The following TNRC6C variants were observed in gnomAD, a reference collection of about 807,000 sequenced individuals.
TNRC6C encodes the protein trinucleotide repeat-containing gene 6C protein.
Under a neutral mutation model 153.7 loss-of-function variants are expected in TNRC6C, and 20 were observed. The observed-to-expected ratio is 0.13, with a 90% CI of 0.09 to 0.19. TNRC6C has a LOEUF of 0.19. TNRC6C is among the 10% of genes least tolerant of loss of function. The pLI is 1.00. For synonymous variants in TNRC6C, 811 were observed against 841.4 expected (o/e 0.96, Z 0.63); for missense variants, 1,987 against 2,172.0 (o/e 0.91, Z 1.69).
chr17:77,965,229 A>G (rs1385602776), intron 1 of TNRC6C, among the ~76,000 whole-genome samples: 1 of 152,220 alleles, frequency 6.6e-6, no homozygotes, highest in Non-Finnish European at 1.5e-5. Context: ...ATACACTTCA[A>G]AGCCCTCACA....
intron 1 of TNRC6C, among the ~76,000 whole-genome samples, chr17:77,962,449 C>T (rs1049094365): frequency 1.2e-4 from 18 of 152,274 alleles, no homozygotes; most frequent in African/African-American, 4.1e-4. Context: ...AAGTAAAACA[C>T]ATGGGACAAT....
chr17:78,038,151 AAAAG>A (rs1216395922), intron 2 of TNRC6C, among the ~76,000 whole-genome samples: 1 of 152,240 alleles, frequency 6.6e-6, no homozygotes, highest in Non-Finnish European at 1.5e-5. Context: ...ATAAGCCATG[AAAAG>A]AAAGACTGAC....
intron 1 of TNRC6C, among the ~76,000 whole-genome samples, chr17:78,019,624 A>C (rs1047919410): frequency 6.6e-6 from 1 of 152,222 alleles, no homozygotes; most frequent in Non-Finnish European, 1.5e-5. Context: ...GAGTAACCAA[A>C]ATTTCCATCT....
intron 3 of TNRC6C, among the ~76,000 whole-genome samples, chr17:78,057,267 C>T (rs1489479426): frequency 6.6e-6 from 1 of 152,200 alleles, no homozygotes; most frequent in East Asian, 1.9e-4. Flanking sequence ...CCTGTATTAC[C>T]TGTGATGTTT....
rs185409646 is a variant in TNRC6C at position 77,967,404 on chromosome 17, G to C, written c.-38+8136G>C. Among the ~76,000 whole-genome samples, 258 of 152,248 alleles carry C rather than the reference G, an allele frequency of 1.7e-3. 1 individual carries two copies. The highest frequency in any genetic ancestry group is 4.8e-3 in the East Asian group (25 of 5,184). Reference sequence around the variant, plus strand: ...GATATTGCTTCCACAAGTCATGCGGGGGGGGAGAGAAGATTGATAATTGAA... The same window carrying C: ...GATATTGCTTCCACAAGTCATGCGGCGGGGGAGAGAAGATTGATAATTGAA... On this transcript the variant is annotated intron_variant, in intron 1 of 22. Transcript: ENST00000636222.
intron 17 of TNRC6C, among the ~76,000 whole-genome samples, chr17:78,101,675 A>C (rs1210893503): frequency 6.6e-6 from 1 of 152,188 alleles, no homozygotes; most frequent in Non-Finnish European, 1.5e-5. Context: ...CGTAGATACT[A>C]GATTAACTAC....
Position 78,083,028 on chromosome 17 carries a change from T to C in TNRC6C, c.3358-19T>C, listed in dbSNP as rs774846346. The C allele has an allele frequency of 6.2e-7, 1 of 1,613,226 alleles. No individual in the cohort carries two copies. Among genetic ancestry groups the C allele is most frequent in the South Asian group, 1.1e-5 (1 of 91,070 alleles). ...TTAACAGAGATACAACGGCTAATAG[T>C]ATATTTTATGTTAAACAGGTTCAAG... On this transcript the variant is annotated intron_variant, in intron 10 of 19. Transcript: ENST00000301624.
At chr17:78,068,044 C>T (rs1048585772) in intron 5 of TNRC6C, 121 bp downstream of exon 7, 9 of 1,197,444 alleles carry the variant, frequency 7.5e-6, no homozygotes, top group Non-Finnish European at 9.0e-6. Context: ...TCTTAGGACC[C>T]TTGGAGGTCC....
intron 1 of TNRC6C, among the ~76,000 whole-genome samples, chr17:78,011,439 A>G (rs2071629015): frequency 6.6e-6 from 1 of 152,190 alleles, no homozygotes; most frequent in South Asian, 2.1e-4. Context: ...GGACTCCTAC[A>G]CTGTGCACTT....
chr17:78,085,165 T>A (rs1320944619), intron 11 of TNRC6C, among the ~76,000 whole-genome samples: 1 of 152,162 alleles, frequency 6.6e-6, no homozygotes, highest in African/African-American at 2.4e-5. Flanking sequence ...GCTGCAGGCA[T>A]TGCTGCAGCC....
chr17:78,023,120 G>A (rs909581476), intron 1 of TNRC6C, among the ~76,000 whole-genome samples: 5 of 151,918 alleles, frequency 3.3e-5, no homozygotes, highest in South Asian at 2.1e-4. Context: ...GTGAGACTCC[G>A]TCTCTAAAAA....
chr17:77,992,086 C>G (rs977389046), intron 1 of TNRC6C, among the ~76,000 whole-genome samples: 3 of 152,204 alleles, frequency 2.0e-5, no homozygotes, highest in Non-Finnish European at 4.4e-5. Flanking sequence ...AATGACAGCT[C>G]TTGCTACCAT....
intron 2 of TNRC6C, among the ~76,000 whole-genome samples, chr17:78,043,429 A>AT (rs922811056): frequency 1.3e-5 from 2 of 152,066 alleles, no homozygotes; most frequent in African/African-American, 4.8e-5. Context: ...ATTTTTTATA[A>AT]TTTTTTTTAT....
intron 1 of TNRC6C, among the ~76,000 whole-genome samples, chr17:77,971,515 T>C (rs1184573481): frequency 6.6e-6 from 1 of 152,166 alleles, no homozygotes; most frequent in Non-Finnish European, 1.5e-5. Flanking sequence ...CTTGATGGCT[T>C]TTTAATGGGC....
rs569384917 is a variant in TNRC6C, at chr17:77,989,673, C to T, written c.-37-14497C>T. Among the ~76,000 whole-genome samples, 181 of 152,320 alleles carry T rather than the reference C, an allele frequency of 1.2e-3. 1 individual carries two copies. The highest frequency in any genetic ancestry group is 4.0e-3 in the African/African-American group (166 of 41,556). On this transcript the variant is annotated intron_variant, in intron 1 of 22. Coordinates refer to the TNRC6C transcript ENST00000636222. ...TAAGCTCTTGATAATAGGGATCTTA[C>T]GTATCTTGTCAGTGGATATCCTTAT...
At chr17:78,092,893 G>A (rs1226239626) in intron 14 of TNRC6C, 40 bp from the exon 17 acceptor site, 7 of 1,591,620 alleles carry the variant, frequency 4.4e-6, no homozygotes, top group Non-Finnish European at 6.0e-6. Flanking sequence ...CTCAACTGGA[G>A]AGTATTCACT....
At chr17:77,970,595 G>A (rs934101588) in intron 1 of TNRC6C, among the ~76,000 whole-genome samples, 2 of 152,056 alleles carry the variant, frequency 1.3e-5, no homozygotes, top group East Asian at 3.8e-4. Flanking sequence ...CCTGCAGCCC[G>A]GGATAGCTTT....
chr17:78,073,446 T>A (rs1215719091), intron 7 of TNRC6C, among the ~76,000 whole-genome samples: 3 of 152,242 alleles, frequency 2.0e-5, no homozygotes, highest in Non-Finnish European at 4.4e-5. Flanking sequence ...AGAACGGACT[T>A]GCCTAGGGGC....
exon 13 of TNRC6C, chr17:78,087,027 G>A (rs758522535): frequency 1.5e-5 from 24 of 1,613,348 alleles, no homozygotes; most frequent in East Asian, 4.5e-5. Flanking sequence ...ACAGACTCCC[G>A]GCCTACCTGA....
Sources: allele counts gnomAD v4.1 joint callset (sites outside exome capture counted in the v4.1 genomes callset), GRCh38; gene constraint gnomAD v4.1.1; transcripts MANE v1.5; gene names NCBI Gene and HGNC (gene_info 2026-07-23, HGNC 2026-07-21).